CDH11: variants seen among roughly 807,000 people sequenced by gnomAD.
The protein encoded by CDH11 is cadherin-11.
In CDH11, 11 loss-of-function variants were observed where a neutral mutation model predicts 67.8. The ratio of observed to expected loss-of-function variants is 0.16; its 90% CI spans 0.10 to 0.27. The LOEUF (loss-of-function observed/expected upper bound fraction) is 0.27, where lower values mean the gene tolerates loss of function less well. CDH11 is among the 10% of genes least tolerant of loss of function. The pLI is 1.00. For synonymous variants in CDH11, 419 were observed against 400.0 expected (o/e 1.05, Z -0.57); for missense variants, 847 against 1,031.2 (o/e 0.82, Z 2.45).
chr16:65,004,598 A>C, intron 3 of CDH11, 44 bp downstream of exon 3: 1 of 1,574,322 alleles, frequency 6.4e-7, no homozygotes, highest in Non-Finnish European at 8.6e-7. Flanking sequence ...CGACTATTCC[A>C]ATGGTGGGTT....
intron 1 of CDH11, among the ~76,000 whole-genome samples, chr16:65,101,280 G>A (rs1172278518): frequency 6.6e-6 from 1 of 152,146 alleles, no homozygotes; most frequent in Non-Finnish European, 1.5e-5. Flanking sequence ...CATGAGGAGA[G>A]ACAGGCATGC....
At chr16:65,041,279 G>T (rs1018131647) in intron 2 of CDH11, among the ~76,000 whole-genome samples, 1 of 151,922 alleles carries the variant, frequency 6.6e-6, no homozygotes, top group South Asian at 2.1e-4. Flanking sequence ...GCACACATGG[G>T]TACCAACTGA....
rs2071154537 is a variant in CDH11 at position 64,944,104 on chromosome 16, C to G, written c.*3499G>C. 1.7e-5 allele frequency: 4 copies of G among 232,604 alleles called. No homozygotes were observed. In the South Asian group the frequency reaches 5.4e-4, roughly 32 times the overall value. The allele number at this position is 232,604 out of a possible 1,614,324, so 14.4% of individuals were successfully genotyped here. ...CTGGAGAGGTTCGCAGGGCCCTGTT[C>G]ATGTAAAGCAATAAAATAAAGGCAT... is the stretch of plus-strand genomic sequence containing the variant. On this transcript the variant is annotated 3_prime_UTR_variant, in exon 13 of 13. Coordinates refer to ENST00000268603, the MANE Select transcript of CDH11 (RefSeq NM_001797.4).
At chr16:65,015,632 G>A (rs1467544729) in intron 2 of CDH11, among the ~76,000 whole-genome samples, 1 of 152,078 alleles carries the variant, frequency 6.6e-6, no homozygotes, top group African/African-American at 2.4e-5. Context: ...TCTATAAGGG[G>A]GAAAAATAAA....
intron 11 of CDH11, among the ~76,000 whole-genome samples, chr16:64,956,834 T>C (rs542711403): frequency 9.9e-5 from 15 of 152,202 alleles, no homozygotes; most frequent in African/African-American, 3.1e-4. Context: ...AGTTGGGGAA[T>C]ACCAATATAG....
intron 1 of CDH11, among the ~76,000 whole-genome samples, chr16:65,086,934 A>G (rs1431208889): frequency 2.0e-5 from 3 of 152,204 alleles, no homozygotes; most frequent in Non-Finnish European, 4.4e-5. Context: ...AAGAAAGTGT[A>G]TTTTAAAATT....
intron 2 of CDH11, among the ~76,000 whole-genome samples, chr16:65,027,924 T>C (rs2073566470): frequency 1.3e-5 from 2 of 152,158 alleles, no homozygotes; most frequent in Admixed American, 1.3e-4. Flanking sequence ...TTTTAACAAA[T>C]ATACACATAG....
intron 11 of CDH11, among the ~76,000 whole-genome samples, chr16:64,954,318 G>C (rs2071444310): frequency 1.3e-5 from 2 of 152,298 alleles, no homozygotes; most frequent in Middle Eastern, 3.4e-3. Context: ...AGCAGTTCAA[G>C]AAGTGGGAAA....
intron 1 of CDH11, among the ~76,000 whole-genome samples, chr16:65,056,347 G>C (rs556719051): frequency 6.6e-6 from 1 of 152,230 alleles, no homozygotes; most frequent in South Asian, 2.1e-4. Context: ...TGCCATCTTG[G>C]ACACCTAATA....
chr16:65,086,836 C>T (rs1354351337), intron 1 of CDH11, among the ~76,000 whole-genome samples: 2 of 152,140 alleles, frequency 1.3e-5, no homozygotes, highest in South Asian at 2.1e-4. Context: ...ATAGGTCCTA[C>T]AGCCCTCACT....
chr16:65,015,478 C>T (rs1189429184), intron 2 of CDH11, among the ~76,000 whole-genome samples: 1 of 151,808 alleles, frequency 6.6e-6, no homozygotes, highest in Admixed American at 6.6e-5. Flanking sequence ...CTAAACTCTT[C>T]ATTTTATAGA....
At chr16:64,981,097 C>CT (rs71376752) in intron 8 of CDH11, 4,003 of 116,242 alleles carry the variant, frequency 0.034, 486 homozygotes, top group African/African-American at 0.12. Context: ...TTCTTTCTTT[C>CT]TTTTTTTTTT....
chr16:65,035,342 T>C (rs1347570224), intron 2 of CDH11, among the ~76,000 whole-genome samples: 1 of 152,122 alleles, frequency 6.6e-6, no homozygotes, highest in Non-Finnish European at 1.5e-5. Flanking sequence ...CAGAAGACCT[T>C]TGGTAATTCA....
intron 2 of CDH11, among the ~76,000 whole-genome samples, chr16:65,016,471 G>T (rs2085093711): frequency 6.6e-6 from 1 of 152,134 alleles, no homozygotes; most frequent in African/African-American, 2.4e-5. Context: ...AGTGTCTTTT[G>T]TGGGTCTCAG....
chr16:64,968,743 GC>G (rs1252544447), intron 11 of CDH11, among the ~76,000 whole-genome samples: 1 of 152,094 alleles, frequency 6.6e-6, no homozygotes, highest in East Asian at 1.9e-4. Context: ...GAGACTTGAT[GC>G]TTTTACTCAG....
intron 7 of CDH11, 81 bp downstream of exon 7, chr16:64,988,076 G>T: frequency 1.8e-6 from 2 of 1,134,810 alleles, no homozygotes; most frequent in Non-Finnish European, 1.2e-6. Flanking sequence ...TTTCTTAACC[G>T]TCGCCTCCCT....
intron 2 of CDH11, among the ~76,000 whole-genome samples, chr16:65,016,934 T>C (rs189061913): frequency 2.9e-4 from 44 of 152,282 alleles, no homozygotes; most frequent in Admixed American, 1.4e-3. Flanking sequence ...TTATAGACCA[T>C]ATAGGGTAGC....
At chr16:65,054,074 A>C (rs1597139222) in intron 1 of CDH11, 146 bp from the exon 2 acceptor site, 6 of 356,112 alleles carry the variant, frequency 1.7e-5, no homozygotes, top group Admixed American at 1.4e-4. Context: ...ACAAATTACT[A>C]AAATTACGTG....
chr16:65,094,719 A>C (rs1258154007), intron 1 of CDH11: 1 of 152,140 alleles, frequency 6.6e-6, no homozygotes, highest in Non-Finnish European at 1.5e-5. Context: ...GAGGACTATA[A>C]AAGAATAGGA....
Sources: gnomAD v4.1 joint callset for allele counts (sites outside exome capture counted in the v4.1 genomes callset) on GRCh38, gnomAD v4.1.1 for gene constraint, MANE v1.5 for transcripts, NCBI Gene and HGNC (gene_info 2026-07-23, HGNC 2026-07-21) for gene names.